Variants in ADGRD2 observed in about 807,000 individuals in gnomAD.
ADGRD2 encodes the protein G protein-coupled receptor PGR24.
Under a neutral mutation model 44.4 loss-of-function variants are expected in ADGRD2, and 71 were observed. The ratio of observed to expected loss-of-function variants is 1.60; its 90% confidence interval spans 1.32 to 1.95. The LOEUF is 1.95. Ranked by LOEUF, ADGRD2 falls within the 30% of genes most tolerant of loss-of-function variation. ADGRD2 has a pLI of 0.00. For synonymous variants in ADGRD2, 481 were observed against 224.8 expected (o/e 2.14, Z -10.19); for missense variants, 1,039 against 512.4 (o/e 2.03, Z -9.92).
At chr9:124,452,865 G>C (rs1831515844) in intron 2 of ADGRD2, 143 bp downstream of exon 5, 2 of 609,568 alleles carry the variant, frequency 3.3e-6, no homozygotes, top group Admixed American at 2.7e-5. Flanking sequence ...CCCTGGACTG[G>C]GCGTCGGGGC....
chr9:124,456,433 TG>T, intron 6 of ADGRD2, among the ~76,000 whole-genome samples, 188 bp from the exon 10 acceptor site: 1 of 152,278 alleles, frequency 6.6e-6, no homozygotes, highest in Middle Eastern at 3.4e-3. Flanking sequence ...CGAAGGAGGC[TG>T]GGGCAGGCAG....
rs1018822868 is a variant in ADGRD2 at position 124,469,983 on chromosome 9, A to G, written c.2637+436A>G. On this transcript the variant is annotated intron_variant, in intron 16 of 21. Coordinates refer to ENST00000334810, the Ensembl canonical transcript of ADGRD2. ...GTCCCTGTTCCTGCCAAAGACCCGC[A>G]TCGCCCTCTGGGGTCACACTCTGGG... Among the ~76,000 whole-genome samples, 3 of 152,154 alleles carry G rather than the reference A, an allele frequency of 2.0e-5. No individual in the cohort carries two copies. In the South Asian group the frequency reaches 6.2e-4, roughly 31 times the overall value.
At position 124,458,759 on chromosome 9, in the gene ADGRD2, G is replaced by A. The variant is rs571169329; in HGVS notation, c.1870+38G>A. On this transcript the variant is annotated intron_variant, in intron 10 of 21. Transcript: ENST00000334810. Reference sequence around the variant, plus strand: ...GCTTCTGGGAAGCAGCCATCCTGGCGCACGTGTCCTGGTTCAGTTCCCCCA... The same window carrying A: ...GCTTCTGGGAAGCAGCCATCCTGGCACACGTGTCCTGGTTCAGTTCCCCCA... 237 of 712,746 alleles carry A rather than the reference G, an allele frequency of 3.3e-4. 2 individuals are homozygous for A. The highest frequency in any genetic ancestry group is 3.3e-3 in the South Asian group (223 of 67,236). The allele number at this position is 712,746 out of a possible 1,614,324, so 44.2% of individuals were successfully genotyped here.
chr9:124,451,997 G>GTC, upstream of ADGRD2: 1 of 360,938 alleles, frequency 2.8e-6, no homozygotes, highest in Non-Finnish European at 5.5e-6. Flanking sequence ...TCCACTGAAT[G>GTC]CCCCCCTCCC....
chr9:124,477,141 A>C (rs1487487759), intron 21 of ADGRD2: 6 of 455,004 alleles, frequency 1.3e-5, no homozygotes, highest in Non-Finnish European at 2.7e-5. Flanking sequence ...CTGAGGGAGA[A>C]GTGCTTTCCT....
chr9:124,453,083 G>C (rs1208960765), exon 3 of ADGRD2: 8 of 687,506 alleles, frequency 1.2e-5, no homozygotes, highest in South Asian at 7.7e-5. Context: ...ACGGCTGACC[G>C]GGCGGCGCGG....
intron 20 of ADGRD2, 111 bp from the exon 24 acceptor site, chr9:124,476,568 G>C (rs953226819): frequency 2.3e-5 from 15 of 640,028 alleles, no homozygotes; most frequent in Non-Finnish European, 3.4e-5. Flanking sequence ...GGCCCAGGGA[G>C]GGGGAGCTGC....
At chr9:124,450,528 G>C (rs911457200), upstream of ADGRD2, among the ~76,000 whole-genome samples, 4 of 152,258 alleles carry the variant, frequency 2.6e-5, no homozygotes, top group Non-Finnish European at 5.9e-5. Flanking sequence ...ACTGGAGCTG[G>C]GAACAGGGGA....
At chr9:124,459,713 T>C (rs1311873830) in intron 10 of ADGRD2, among the ~76,000 whole-genome samples, 1 of 152,170 alleles carries the variant, frequency 6.6e-6, no homozygotes, top group Non-Finnish European at 1.5e-5. Flanking sequence ...ATAACAGCTA[T>C]TTATATAGCA....
Position 124,458,603 on chromosome 9 carries a change from A to G in ADGRD2, c.1765-13A>G. Reference sequence around the variant, plus strand: ...TCCACAGCCACCCTTGAAAGCTCCCATTCTTCCCACAGGTTCCTAAGCACC... The same window carrying G: ...TCCACAGCCACCCTTGAAAGCTCCCGTTCTTCCCACAGGTTCCTAAGCACC... On this transcript the variant is annotated splice_polypyrimidine_tract_variant and intron_variant, in intron 9 of 21. Coordinates refer to ENST00000334810, the Ensembl canonical transcript of ADGRD2. 1 of 718,134 alleles carries G rather than the reference A, an allele frequency of 1.4e-6. No homozygotes were observed. The allele number at this position is 718,134 out of a possible 1,614,324, so 44.5% of individuals were successfully genotyped here.
chr9:124,468,335 C>T, intron 13 of ADGRD2, 145 bp downstream of exon 16: 1 of 675,338 alleles, frequency 1.5e-6, no homozygotes, highest in Non-Finnish European at 2.7e-6. Flanking sequence ...GAGCAGGGCC[C>T]CGGGAGGAAA....
chr9:124,456,099 A>G (rs1831611327), intron 6 of ADGRD2, among the ~76,000 whole-genome samples: 1 of 152,214 alleles, frequency 6.6e-6, no homozygotes, highest in African/African-American at 2.4e-5. Context: ...TAGACTGAGG[A>G]AAGCCAGACT....
chr9:124,453,593 G>A (rs892165886), exon 3 of ADGRD2: 75 of 700,822 alleles, frequency 1.1e-4, no homozygotes, highest in African/African-American at 8.9e-4. Flanking sequence ...CCCTCAGAGG[G>A]CCTGCTCTTC....
exon 3 of ADGRD2, chr9:124,453,405 GCTGGGCGCCGGC>G (rs1831541710): frequency 1.7e-6 from 1 of 604,728 alleles, no homozygotes; most frequent in Non-Finnish European, 2.9e-6. Context: ...GGGCGCGGGG[GCTGGGCGCCGGC>G]CACCCGGTGC....
rs1328218597 is a variant in ADGRD2, at chr9:124,475,622, A to G, written c.2845+7A>G. 2.3e-6 allele frequency: 1 copy of G among 443,268 alleles called. No individual in the cohort carries two copies. Among genetic ancestry groups the G allele is most frequent in the African/African-American group, 2.1e-5 (1 of 47,584 alleles). The allele number at this position is 443,268 out of a possible 1,614,324, so 27.5% of individuals were successfully genotyped here. On this transcript the variant is annotated splice_region_variant and intron_variant, in intron 19 of 21. Transcript: ENST00000334810. ...TGAGAAGAAGGTGGCCGAGGTGCTC[A>G]GGGCACTGGGGGTGTGGGTGGGGGC...
intron 7 of ADGRD2, among the ~76,000 whole-genome samples, chr9:124,457,224 C>T (rs753480873): frequency 8.5e-5 from 13 of 152,222 alleles, no homozygotes; most frequent in African/African-American, 1.2e-4. Flanking sequence ...GGGTACCCAC[C>T]AGTTTCTGGT....
Position 124,454,876 on chromosome 9 carries a change from G to T in ADGRD2, c.1144G>T (p.Ala382Ser), listed in dbSNP as rs1564137769. 2 of 710,604 alleles carry T rather than the reference G, an allele frequency of 2.8e-6. No individual in the cohort carries two copies. Among genetic ancestry groups the T allele is most frequent in the Non-Finnish European group, 2.6e-6 (1 of 384,760 alleles). 44.0% of individuals were successfully genotyped at this position (710,604 alleles called of 1,614,324 possible). Residue 382 changes from alanine to serine, a missense_variant, in exon 6 of 22, where the codon GCC (alanine) becomes TCC (serine). Physicochemically the swap from Ala to Ser is moderately conservative, Grantham distance 99. Transcript: ENST00000334810. The surrounding 1 kb of genome is among the most constrained non-coding windows in gnomAD (Gnocchi z 4.5). ...GGACCCCCTCTCCGAAGTCCATGGGGCCCTGTCCCCAGCGGAGGCCTCCAG... is the reference window on the plus strand; with the variant it reads ...GGACCCCCTCTCCGAAGTCCATGGGTCCCTGTCCCCAGCGGAGGCCTCCAG...
chr9:124,463,601 G>T (rs1012771668), intron 10 of ADGRD2, among the ~76,000 whole-genome samples: 6 of 152,118 alleles, frequency 3.9e-5, no homozygotes, highest in African/African-American at 1.2e-4. Context: ...ATTTTTAATT[G>T]TGTGTTCTGT....
Position 124,454,547 on chromosome 9 carries a change from A to G in ADGRD2, c.1088A>G (p.Asn363Ser), listed in dbSNP as rs1588599966. The G allele has an allele frequency of 2.8e-6, 2 of 717,066 alleles. No homozygotes were observed. Among genetic ancestry groups the G allele is most frequent in the Non-Finnish European group, 5.2e-6 (2 of 384,174 alleles). The allele number at this position is 717,066 out of a possible 1,614,324, so 44.4% of individuals were successfully genotyped here. A position where few individuals can be genotyped will look rare whatever the true frequency, so the allele number is the denominator to read the frequency against. ...GGCCAGGATGTTATCAGCCGAGTCA[A>G]TGCCTTGGCCAACGACATTGTGGTG... Residue 363 changes from asparagine to serine, a missense_variant, in exon 5 of 22, where the codon AAT (asparagine) becomes AGT (serine). Asn to Ser is a conservative substitution (Grantham distance 46, BLOSUM62 1). Transcript: ENST00000334810. The surrounding 1 kb of genome is among the most constrained non-coding windows in gnomAD (Gnocchi z 4.5).
Sources: allele counts gnomAD v4.1 joint callset (sites outside exome capture counted in the v4.1 genomes callset), GRCh38; gene constraint gnomAD v4.1.1; non-coding constraint Gnocchi (gnomAD v3.1); transcripts MANE v1.5; gene names NCBI Gene and HGNC (gene_info 2026-07-23, HGNC 2026-07-21).